Variants in ZFPM2 observed in about 807,000 individuals in gnomAD.
The protein encoded by ZFPM2 is zinc finger protein ZFPM2.
In ZFPM2, 20 loss-of-function variants were observed where a neutral mutation model predicts 98.6. That is an observed-to-expected ratio of 0.20 (90% CI 0.14 to 0.29). ZFPM2 has a LOEUF of 0.29. Among genes scored for constraint, ZFPM2 ranks in the 10% least tolerant of loss-of-function variants. The probability of loss-of-function intolerance (pLI) is 1.00; values close to 1 mark genes in which losing one functional copy is unlikely to be tolerated. For missense variants in ZFPM2, 1,310 were observed against 1,388.6 expected, an observed-to-expected ratio of 0.94 and a Z score of 0.90; for synonymous variants, 518 against 502.7, an observed-to-expected ratio of 1.03 and a Z score of -0.41.
At chr8:105,443,406 C>G (rs1812306894) in intron 2 of ZFPM2, among the ~76,000 whole-genome samples, 1 of 148,492 alleles carries the variant, frequency 6.7e-6, no homozygotes, top group East Asian at 1.9e-4. Flanking sequence ...TGTCTTCATA[C>G]TTTCTTGTTA....
chr8:105,769,639 A>C (rs776905083), intron 5 of ZFPM2, among the ~76,000 whole-genome samples: 1 of 152,022 alleles, frequency 6.6e-6, no homozygotes, highest in African/African-American at 2.4e-5. Context: ...AGCCTTGATC[A>C]TGAACTTGTG....
At chr8:105,320,214 GC>G (rs1466044188) in intron 1 of ZFPM2, among the ~76,000 whole-genome samples, 1 of 151,526 alleles carries the variant, frequency 6.6e-6, no homozygotes, top group Non-Finnish European at 1.5e-5. Flanking sequence ...TGAAATGGGG[GC>G]CAGGTTATAA....
At chr8:105,322,791 A>G (rs558732646) in intron 1 of ZFPM2, among the ~76,000 whole-genome samples, 1 of 152,224 alleles carries the variant, frequency 6.6e-6, no homozygotes, top group South Asian at 2.1e-4. Context: ...TTAGAGAATA[A>G]TCTTGTTAGC....
intron 4 of ZFPM2, among the ~76,000 whole-genome samples, chr8:105,604,081 A>T (rs1456587458): frequency 1.3e-5 from 2 of 152,012 alleles, no homozygotes; most frequent in African/African-American, 4.8e-5. Context: ...CCTACTTGAC[A>T]TCACTGTATC....
chr8:105,646,824 T>G (rs1817057239), intron 5 of ZFPM2, among the ~76,000 whole-genome samples: 1 of 152,094 alleles, frequency 6.6e-6, no homozygotes, highest in South Asian at 2.1e-4. Context: ...TTGTTGAGAT[T>G]GTAGATGATC....
chr8:105,365,317 G>A (rs750561943), intron 1 of ZFPM2, among the ~76,000 whole-genome samples: 8 of 152,132 alleles, frequency 5.3e-5, no homozygotes, highest in South Asian at 2.1e-4. Context: ...TATAAAAGAC[G>A]AGGTTTTAGA....
At chr8:105,514,477 T>A (rs1429044891) in intron 3 of ZFPM2, among the ~76,000 whole-genome samples, 1 of 152,144 alleles carries the variant, frequency 6.6e-6, no homozygotes, top group African/African-American at 2.4e-5. Context: ...GCTGTACAGA[T>A]GTCTAGAGTA....
intron 5 of ZFPM2, among the ~76,000 whole-genome samples, chr8:105,752,422 T>C (rs1812500807): frequency 6.6e-6 from 1 of 152,176 alleles, no homozygotes; most frequent in African/African-American, 2.4e-5. Context: ...ACTACTGATA[T>C]GGAGTCAGTT....
At chr8:105,596,231 G>C (rs1815967343) in intron 4 of ZFPM2, among the ~76,000 whole-genome samples, 1 of 151,856 alleles carries the variant, frequency 6.6e-6, no homozygotes. Context: ...AGGTTAAAAG[G>C]AATAAAAATC....
chr8:105,497,037 G>A (rs1813484297), intron 3 of ZFPM2, among the ~76,000 whole-genome samples: 1 of 148,718 alleles, frequency 6.7e-6, no homozygotes, highest in Admixed American at 6.7e-5. Context: ...CCAGGCTGGA[G>A]TGCAGTGGCG....
chr8:105,522,214 C>G (rs1172332622), intron 3 of ZFPM2, among the ~76,000 whole-genome samples: 2 of 152,070 alleles, frequency 1.3e-5, no homozygotes, highest in Non-Finnish European at 2.9e-5. Context: ...ATAAGGGAAG[C>G]CTAAAAGGAA....
intron 3 of ZFPM2, among the ~76,000 whole-genome samples, chr8:105,469,036 G>A (rs1279627772): frequency 1.3e-5 from 2 of 151,882 alleles, no homozygotes; most frequent in Non-Finnish European, 2.9e-5. Context: ...TGTCCCATAG[G>A]GGGAAAAGTG....
At chr8:105,648,871 G>A (rs1315037734) in intron 5 of ZFPM2, among the ~76,000 whole-genome samples, 2 of 152,034 alleles carry the variant, frequency 1.3e-5, no homozygotes, top group African/African-American at 2.4e-5. Flanking sequence ...GCTCTTTTTT[G>A]GTTCCATATG....
intron 3 of ZFPM2, chr8:105,451,720 A>C (rs1812488692): frequency 6.6e-6 from 1 of 152,124 alleles, no homozygotes; most frequent in Non-Finnish European, 1.5e-5. Context: ...TGCCGTTGAC[A>C]CCTTGATCTT....
Position 105,467,004 on chromosome 8 carries a change from G to A in ZFPM2, c.301+22623G>A, listed in dbSNP as rs185293903. 6.8e-4 allele frequency among the ~76,000 whole-genome samples: 104 copies of A among 152,120 alleles called. 1 individual carries two copies. In the East Asian group the frequency reaches 0.018, roughly 26 times the overall value. ...TCGCCCTAAGTTTCAGTTTCCTCATGGAAATGATGCCTACCTCCTGTATCT... is the reference window on the plus strand; with the variant it reads ...TCGCCCTAAGTTTCAGTTTCCTCATAGAAATGATGCCTACCTCCTGTATCT... On this transcript the variant is annotated intron_variant, in intron 3 of 7. Coordinates refer to ENST00000407775, the MANE Select transcript of ZFPM2 (RefSeq NM_012082.4).
chr8:105,687,787 A>T (rs896008370), intron 5 of ZFPM2, among the ~76,000 whole-genome samples: 9 of 152,138 alleles, frequency 5.9e-5, no homozygotes, highest in Admixed American at 3.3e-4. Flanking sequence ...GTTCAATTAG[A>T]AAACTTAGCT....
intron 1 of ZFPM2, among the ~76,000 whole-genome samples, chr8:105,364,041 T>A (rs2129776032): frequency 6.6e-6 from 1 of 152,230 alleles, no homozygotes; most frequent in Non-Finnish European, 1.5e-5. Context: ...AGACTACAGC[T>A]AGGCATAATC....
intron 1 of ZFPM2, among the ~76,000 whole-genome samples, chr8:105,384,157 C>T (rs546987081): frequency 6.6e-6 from 1 of 152,250 alleles, no homozygotes; most frequent in Non-Finnish European, 1.5e-5. Context: ...TCTGCCAGCC[C>T]TCCACATTCA....
chr8:105,362,333 G>C (rs1810419484), intron 1 of ZFPM2, among the ~76,000 whole-genome samples: 1 of 151,796 alleles, frequency 6.6e-6, no homozygotes, highest in Admixed American at 6.6e-5. Flanking sequence ...ACTGGATCAG[G>C]GTAACTGATC....
Sources: gnomAD v4.1 joint callset for allele counts (sites outside exome capture counted in the v4.1 genomes callset) on GRCh38, gnomAD v4.1.1 for gene constraint, MANE v1.5 for transcripts, NCBI Gene and HGNC (gene_info 2026-07-23, HGNC 2026-07-21) for gene names.